Variants in KRT38 observed in about 807,000 individuals in gnomAD.
The protein encoded by KRT38 is keratin 38.
A neutral mutation model predicts 43.1 loss-of-function variants in KRT38; 45 were observed. The observed-to-expected ratio is 1.04, with a 90% CI of 0.82 to 1.34. KRT38 has a LOEUF of 1.34. Among genes scored for constraint, KRT38 ranks in the 40% most tolerant of loss-of-function variants. The pLI, the probability that KRT38 is intolerant of heterozygous loss-of-function variation, is 0.00. For missense variants in KRT38, 627 were observed against 586.2 expected (o/e 1.07, Z -0.72); for synonymous variants, 258 against 244.0 (o/e 1.06, Z -0.53).
Position 41,438,487 on chromosome 17 carries a change from G to C in KRT38, c.1020+4C>G. The C allele has an allele frequency of 6.2e-7, 1 of 1,614,176 alleles. No individual in the cohort carries two copies. Among genetic ancestry groups the C allele is most frequent in the East Asian group, 2.2e-5 (1 of 44,876 alleles). ...GCAGTGCAGTGAGAGTGAAGGACAC[G>C]TACCAAGGTGTGCTGGGCTTGGCGC... On this transcript the variant is annotated splice_donor_region_variant and intron_variant, in intron 5 of 6. Coordinates refer to ENST00000246646, the MANE Select transcript of KRT38 (RefSeq NM_006771.4).
In KRT38 at chr17:41,438,297, T is replaced by C. The variant is rs150164577; in HGVS notation, c.1037A>G (p.Asn346Ser). ...AQHTLKDCLQ[N>S]SLCEAEDRFG... ...GCGGTCCTCGGCTTCACACAGGGAG[T>C]TCTGCAGACAGTCCTTCTGTAGTGG... is the stretch of plus-strand genomic sequence containing the variant. The change falls in exon 6 of 7, where the codon AAC becomes AGC. Residue 346 changes from asparagine to serine, a missense_variant. By Grantham distance (46) the Asn-to-Ser change is conservative. Coordinates refer to ENST00000246646, the MANE Select transcript of KRT38 (RefSeq NM_006771.4). 2.4e-5 allele frequency: 39 copies of C among 1,613,820 alleles called. No homozygotes were observed. The African/African-American group carries it at 4.7e-4, about 19-fold the overall frequency.
At position 41,437,233 on chromosome 17, in the gene KRT38, G is replaced by C. The variant is rs1597731536; in HGVS notation, c.*179C>G. The C allele has an allele frequency of 1.6e-6, 1 of 612,960 alleles. No homozygotes were observed. The highest frequency in any genetic ancestry group is 3.5e-5 in the East Asian group (1 of 28,890). The allele number at this position is 612,960 out of a possible 1,614,324, so 38.0% of individuals were successfully genotyped here. A position where few individuals can be genotyped will look rare whatever the true frequency, so the allele number is the denominator to read the frequency against. On this transcript the variant is annotated 3_prime_UTR_variant, in exon 7 of 7. Transcript: ENST00000246646. ...CCACTGAGGGCATAGAGCTCACCTG[G>C]GAAAACCAAGAGCAGGAAAGGAAGG...
At chr17:41,437,985 A>G in intron 6 of KRT38, 108 bp downstream of exon 6, 1 of 1,035,578 alleles carries the variant, frequency 9.7e-7, no homozygotes, top group Non-Finnish European at 1.5e-6. Flanking sequence ...ACTGAAAAGG[A>G]GTGCACAGAG....
At chr17:41,439,165 A>C (rs752854094) in intron 3 of KRT38, 38 bp downstream of exon 3, 1 of 1,600,032 alleles carries the variant, frequency 6.2e-7, no homozygotes, top group Non-Finnish European at 8.5e-7. Flanking sequence ...CTGTCTGCCC[A>C]GTGCCCTCCC....
intron 2 of KRT38, among the ~76,000 whole-genome samples, 156 bp from the exon 3 acceptor site, chr17:41,439,515 C>T (rs773692499): frequency 1.3e-5 from 2 of 152,224 alleles, no homozygotes; most frequent in African/African-American, 2.4e-5. Flanking sequence ...CCCCTCTTCT[C>T]AAAGAGCTCA....
chr17:41,438,340 T>C (rs1387802099), intron 5 of KRT38, 27 bp from the exon 6 acceptor site: 3 of 1,608,216 alleles, frequency 1.9e-6, no homozygotes, highest in South Asian at 1.1e-5. Context: ...GGGGATAAAA[T>C]ATACAAGGCC....
intron 3 of KRT38, 25 bp from the exon 4 acceptor site, chr17:41,438,883 C>T: frequency 6.2e-7 from 1 of 1,612,012 alleles, no homozygotes; most frequent in Non-Finnish European, 8.5e-7. Flanking sequence ...AAGGGACAGA[C>T]AGCCTGCATG....
chr17:41,438,306 C>T lies in KRT38; in HGVS notation c.1028G>A (p.Cys343Tyr). ...GGCTTCACACAGGGAGTTCTGCAGA[C>T]AGTCCTTCTGTAGTGGGAAATAAGG... ...ERQAQHTLKD[C>Y]LQNSLCEAED... Residue 343 changes from cysteine to tyrosine, a missense_variant, in exon 6 of 7, where the codon TGT becomes TAT. By Grantham distance (194) the Cys-to-Tyr change is radical. Transcript: ENST00000246646. The T allele has an allele frequency of 1.9e-6, 3 of 1,614,000 alleles. No individual in the cohort carries two copies. The highest frequency in any genetic ancestry group is 2.5e-6 in the Non-Finnish European group (3 of 1,179,880).
rs1253997469 is a variant in KRT38, at chr17:41,439,318, T to C, written c.617A>G (p.Asp206Gly). 1.2e-6 allele frequency: 2 copies of C among 1,614,050 alleles called. No homozygotes were observed. The highest frequency in any genetic ancestry group is 2.7e-5 in the African/African-American group (2 of 74,938). ...CAGGAGCTTCTGTGTCCCACACTTG[T>C]CTGCCTCCACCAGCTGGCGCAGGGA... is the stretch of plus-strand genomic sequence containing the variant. Reference protein sequence around the residue: ...ERSLRQLVEADKCGTQKLLDD... With the variant: ...ERSLRQLVEAGKCGTQKLLDD... The change falls in exon 3 of 7, where the codon GAC becomes GGC. Residue 206 changes from aspartate to glycine, a missense_variant. By Grantham distance (94) the Asp-to-Gly change is moderately conservative (BLOSUM62 -1). Transcript: ENST00000246646.
At chr17:41,439,870 G>T (rs2018775588) in intron 2 of KRT38, among the ~76,000 whole-genome samples, 1 of 152,152 alleles carries the variant, frequency 6.6e-6, no homozygotes, top group Admixed American at 6.5e-5. Context: ...AAACCCAATG[G>T]CTGTCTTGCT....
At chr17:41,440,133 C>G in intron 2 of KRT38, 28 bp downstream of exon 2, 3 of 1,581,516 alleles carry the variant, frequency 1.9e-6, no homozygotes, top group Non-Finnish European at 2.6e-6. Flanking sequence ...GGGAAGGAGT[C>G]ACCCTGGCCC....
In KRT38 at chr17:41,440,917, G is replaced by A; in HGVS notation, c.5C>T (p.Thr2Ile). ...GCATGAGGAGCTGCTGTAGGAAGAGGTCATGGTGTTGGGCTGAGGCTGCAC... is the reference window on the plus strand; with the variant it reads ...GCATGAGGAGCTGCTGTAGGAAGAGATCATGGTGTTGGGCTGAGGCTGCAC... M[T>I]SSYSSSSCPL... Residue 2 changes from threonine (T) to isoleucine (I), a missense_variant, in exon 1 of 7, where the codon ACC becomes ATC. Coordinates refer to ENST00000246646, the MANE Select transcript of KRT38 (RefSeq NM_006771.4). 6.5e-7 allele frequency: 1 copy of A among 1,533,834 alleles called. No homozygotes were observed. The highest frequency in any genetic ancestry group is 2.3e-5 in the East Asian group (1 of 44,338).
rs1317931114 is a variant in KRT38 at position 41,436,652 on chromosome 17, A to G, written c.*760T>C. 1 of 152,228 alleles carries G rather than the reference A, an allele frequency of 6.6e-6. No individual in the cohort carries two copies. The highest frequency in any genetic ancestry group is 1.5e-5 in the Non-Finnish European group (1 of 68,044). The allele number at this position is 152,228 out of a possible 1,614,324, so 9.4% of individuals were successfully genotyped here. ...TTAGATTTTAGACTGGGAGAATTAGACAGGGACAGGGGTTATAGCCAGACA... is the reference window on the plus strand; with the variant it reads ...TTAGATTTTAGACTGGGAGAATTAGGCAGGGACAGGGGTTATAGCCAGACA... On this transcript the variant is annotated 3_prime_UTR_variant, in exon 7 of 7. Coordinates refer to ENST00000246646, the MANE Select transcript of KRT38 (RefSeq NM_006771.4).
chr17:41,439,121 C>T, intron 3 of KRT38, 82 bp downstream of exon 3: 6 of 1,503,976 alleles, frequency 4.0e-6, no homozygotes, highest in Non-Finnish European at 4.5e-6. Context: ...TGAGGCCAGG[C>T]AATGCTCTGA....
chr17:41,437,436 G>T lies in KRT38; in HGVS notation c.1347C>A (p.Ala449=). 6.4e-7 allele frequency: 1 copy of T among 1,568,102 alleles called. No homozygotes were observed. Among genetic ancestry groups the T allele is most frequent in the African/African-American group, 1.4e-5 (1 of 71,316 alleles). The change falls in exon 7 of 7, where the codon GCC becomes GCA. Residue 449 remains alanine, a synonymous_variant. Transcript: ENST00000246646. Reference sequence around the variant, plus strand: ...TTCAGAATCGGCTTCCGGTGGTGCTGGCTCCACAGGTGGGCCCACAGGTGG... The same window carrying T: ...TTCAGAATCGGCTTCCGGTGGTGCTTGCTCCACAGGTGGGCCCACAGGTGG... ...PCTTCGPTCG[A]STTGSRF is the part of the protein sequence containing the mutation.
In KRT38 at chr17:41,438,846, G is replaced by C. The variant is rs780167538; in HGVS notation, c.745C>G (p.Leu249Val). ...KSNHEQEVKI[L>V]RSQLGEKLRI... ...AGCTTCTCCCCCAGCTGACTCCTCA[G>C]AATCTTTACTTCCTGCAGAAGGGAG... The change falls in exon 4 of 7, where the codon CTG (leucine) becomes GTG (valine). Residue 249 changes from leucine to valine, a missense_variant. Leu to Val is a conservative substitution (Grantham distance 32, BLOSUM62 1). Coordinates refer to ENST00000246646, the MANE Select transcript of KRT38 (RefSeq NM_006771.4). 6.2e-7 allele frequency: 1 copy of C among 1,614,130 alleles called. No homozygotes were observed. Among genetic ancestry groups the C allele is most frequent in the East Asian group, 2.2e-5 (1 of 44,876 alleles).
In KRT38 at chr17:41,438,851, T is replaced by C. The variant is rs1333611998; in HGVS notation, c.740A>G (p.Lys247Arg). ...SLKSNHEQEVKILRSQLGEKL... is the reference protein window; with the variant it reads ...SLKSNHEQEVRILRSQLGEKL... ...CTCCCCCAGCTGACTCCTCAGAATC[T>C]TTACTTCCTGCAGAAGGGAGGAAGG... Residue 247 changes from lysine to arginine, a missense_variant, in exon 4 of 7, where the codon AAG (lysine) becomes AGG (arginine). Coordinates refer to ENST00000246646, the MANE Select transcript of KRT38 (RefSeq NM_006771.4). 6.2e-7 allele frequency: 1 copy of C among 1,613,998 alleles called. No individual in the cohort carries two copies. Among genetic ancestry groups the C allele is most frequent in the Non-Finnish European group, 8.5e-7 (1 of 1,179,960 alleles).
intron 2 of KRT38, 125 bp from the exon 3 acceptor site, chr17:41,439,484 T>C: frequency 2.6e-6 from 3 of 1,138,688 alleles, no homozygotes; most frequent in South Asian, 1.6e-5. Context: ...CCCTCTGTCC[T>C]CAAAGGTGAA....
Position 41,437,087 on chromosome 17 carries a change from T to C in KRT38, c.*325A>G, listed in dbSNP as rs887614648. 3 of 236,672 alleles carry C rather than the reference T, an allele frequency of 1.3e-5. No homozygotes were observed. Among genetic ancestry groups the C allele is most frequent in the Non-Finnish European group, 2.4e-5 (3 of 123,596 alleles). The allele number at this position is 236,672 out of a possible 1,614,324, so 14.7% of individuals were successfully genotyped here. ...AACTATAAAAATTTCAAGTTAAAGT[T>C]GGTGTTCTTGAAGTGCAAGTGCAAT... On this transcript the variant is annotated 3_prime_UTR_variant, in exon 7 of 7. Transcript: ENST00000246646.
Sources: gnomAD v4.1 joint callset for allele counts (sites outside exome capture counted in the v4.1 genomes callset) on GRCh38, gnomAD v4.1.1 for gene constraint, MANE v1.5 for transcripts, NCBI Gene and HGNC (gene_info 2026-07-23, HGNC 2026-07-21) for gene names.